Variants in AGBL4 observed in about 807,000 individuals in gnomAD.
AGBL4 encodes AGBL carboxypeptidase 4.
In AGBL4, 58 loss-of-function variants were observed where a neutral mutation model predicts 66.4. The ratio of observed to expected loss-of-function variants is 0.87; its 90% CI spans 0.71 to 1.09. The LOEUF (loss-of-function observed/expected upper bound fraction) is 1.09. Ranked by LOEUF, AGBL4 falls within the 50% of genes least tolerant of loss-of-function variation. The pLI is 0.00. For missense variants in AGBL4, 579 were observed against 631.0 expected, an observed-to-expected ratio of 0.92 and a Z score of 0.88; for synonymous variants, 234 against 222.9, an observed-to-expected ratio of 1.05 and a Z score of -0.44.
intron 4 of AGBL4, among the ~76,000 whole-genome samples, chr1:49,220,938 G>T (rs1649448074): frequency 6.6e-6 from 1 of 152,136 alleles, no homozygotes; most frequent in Non-Finnish European, 1.5e-5. Context: ...TAATTATTAA[G>T]AATTCATGAG....
intron 2 of AGBL4, among the ~76,000 whole-genome samples, chr1:49,735,465 C>T (rs1649808394): frequency 6.6e-6 from 1 of 151,330 alleles, no homozygotes; most frequent in Non-Finnish European, 1.5e-5. Flanking sequence ...ATTGATCCTC[C>T]AGAAGAAATG....
chr1:49,017,335 A>G (rs1662896792), intron 5 of AGBL4, among the ~76,000 whole-genome samples: 1 of 152,194 alleles, frequency 6.6e-6, no homozygotes, highest in Admixed American at 6.5e-5. Context: ...AATGACTTTT[A>G]GAATAGTGGT....
intron 3 of AGBL4, among the ~76,000 whole-genome samples, chr1:49,532,760 T>C (rs929882435): frequency 6.6e-6 from 1 of 152,156 alleles, no homozygotes; most frequent in African/African-American, 2.4e-5. Flanking sequence ...GCTTCCACTG[T>C]TTCTAAGGTC....
At chr1:49,245,675 A>T (rs1570196813) in intron 4 of AGBL4, 95 bp downstream of exon 4, 2 of 819,356 alleles carry the variant, frequency 2.4e-6, no homozygotes, top group African/African-American at 1.7e-5. Context: ...TTTATTTTTA[A>T]TTTTTTTTGG....
At chr1:49,701,576 G>A (rs1647094698) in intron 2 of AGBL4, among the ~76,000 whole-genome samples, 1 of 151,566 alleles carries the variant, frequency 6.6e-6, no homozygotes, top group Non-Finnish European at 1.5e-5. Context: ...ATACTTGGGG[G>A]AAAAGGAAAA....
chr1:49,034,261 C>G (rs1490469249), intron 5 of AGBL4, among the ~76,000 whole-genome samples: 1 of 152,018 alleles, frequency 6.6e-6, no homozygotes, highest in Non-Finnish European at 1.5e-5. Context: ...TCATAGTACA[C>G]AACACATAAG....
intron 2 of AGBL4, among the ~76,000 whole-genome samples, chr1:49,749,537 A>T (rs911443660): frequency 6.6e-6 from 1 of 152,200 alleles, no homozygotes; most frequent in Non-Finnish European, 1.5e-5. Flanking sequence ...ACTTGAGCCA[A>T]CAAATAAATT....
intron 3 of AGBL4, among the ~76,000 whole-genome samples, chr1:49,551,585 A>G (rs1167446284): frequency 6.6e-6 from 1 of 152,152 alleles, no homozygotes; most frequent in East Asian, 1.9e-4. Flanking sequence ...CTAGCTACCC[A>G]GCAAGTCTAC....
chr1:49,676,129 G>A (rs1319479296), intron 3 of AGBL4, among the ~76,000 whole-genome samples: 2 of 151,894 alleles, frequency 1.3e-5, no homozygotes, highest in Non-Finnish European at 2.9e-5. Context: ...GAGGTAAAAT[G>A]GTTTACCTGA....
chr1:49,740,634 G>C (rs1405691858), intron 2 of AGBL4, among the ~76,000 whole-genome samples: 1 of 152,034 alleles, frequency 6.6e-6, no homozygotes, highest in East Asian at 1.9e-4. Flanking sequence ...TTCCAAAATT[G>C]ACCATATAGT....
chr1:49,252,134 C>A (rs1032012865), intron 3 of AGBL4, among the ~76,000 whole-genome samples: 1 of 151,936 alleles, frequency 6.6e-6, no homozygotes, highest in East Asian at 1.9e-4. Flanking sequence ...TACATTGAAA[C>A]CCAACAAAAG....
chr1:48,816,865 C>A (rs1001374477), intron 6 of AGBL4, among the ~76,000 whole-genome samples: 8 of 152,088 alleles, frequency 5.3e-5, no homozygotes, highest in Non-Finnish European at 1.0e-4. Flanking sequence ...GAGGTTTGTG[C>A]AAACCACTGT....
chr1:49,896,628 C>T (rs1257365804), intron 1 of AGBL4, among the ~76,000 whole-genome samples: 1 of 150,516 alleles, frequency 6.6e-6, no homozygotes, highest in Non-Finnish European at 1.5e-5. Flanking sequence ...CACACACACA[C>T]ACACACACAC....
At chr1:50,021,502 A>G (rs1662438411) in intron 1 of AGBL4, among the ~76,000 whole-genome samples, 1 of 152,166 alleles carries the variant, frequency 6.6e-6, no homozygotes, top group Non-Finnish European at 1.5e-5. Flanking sequence ...GGCCCCTTCC[A>G]ATGCTCCCTA....
At chr1:49,779,410 G>T (rs1275937359) in intron 2 of AGBL4, among the ~76,000 whole-genome samples, 2 of 152,174 alleles carry the variant, frequency 1.3e-5, no homozygotes, top group Non-Finnish European at 2.9e-5. Flanking sequence ...CAACGGTAAG[G>T]TGGTAACATG....
chr1:49,237,296 G>T (rs1260369967), intron 4 of AGBL4, among the ~76,000 whole-genome samples: 9 of 150,428 alleles, frequency 6.0e-5, no homozygotes, highest in Non-Finnish European at 1.5e-5. Context: ...CCCAAAAAAT[G>T]GGAGTTTCCC....
intron 5 of AGBL4, among the ~76,000 whole-genome samples, chr1:48,995,365 G>C (rs768201652): frequency 6.6e-6 from 1 of 152,164 alleles, no homozygotes. Context: ...AGCCTTGAGA[G>C]CAGGGATCTA....
chr1:48,874,022 G>A (rs577505871), intron 5 of AGBL4, among the ~76,000 whole-genome samples: 20 of 152,202 alleles, frequency 1.3e-4, no homozygotes, highest in African/African-American at 2.2e-4. Flanking sequence ...TCTGTGTTTC[G>A]TGCAAGATAG....
intron 5 of AGBL4, among the ~76,000 whole-genome samples, chr1:48,873,659 C>T (rs1648917049): frequency 6.6e-6 from 1 of 152,078 alleles, no homozygotes; most frequent in South Asian, 2.1e-4. Context: ...AAACAGGGTC[C>T]CACTGAATTG....
Sources: allele counts gnomAD v4.1 joint callset (sites outside exome capture counted in the v4.1 genomes callset), GRCh38; gene constraint gnomAD v4.1.1; transcripts MANE v1.5; gene names NCBI Gene and HGNC (gene_info 2026-07-23, HGNC 2026-07-21).